Variants in ZNF385D observed in about 807,000 individuals in gnomAD.
ZNF385D encodes zinc finger protein 659.
A neutral mutation model predicts 35.8 loss-of-function variants in ZNF385D; 15 were observed. The observed-to-expected ratio is 0.42, with a 90% CI of 0.28 to 0.64. ZNF385D has a LOEUF of 0.64. Among genes scored for constraint, ZNF385D ranks in the 30% least tolerant of loss-of-function variants. The probability of loss-of-function intolerance (pLI) is 0.23; values close to 1 mark genes in which losing one functional copy is unlikely to be tolerated. For synonymous variants in ZNF385D, 212 were observed against 186.8 expected, an observed-to-expected ratio of 1.13 and a Z score of -1.10; for missense variants, 474 against 494.6, an observed-to-expected ratio of 0.96 and a Z score of 0.39.
Position 21,604,802 on chromosome 3 carries a change from G to A in ZNF385D, c.166-40118C>T, listed in dbSNP as rs2064428290. ...AAACTCTCCAAAGAAATATGCAAGG[G>A]AAGAGAAGAGAAGGAGAGAAATGGG... On this transcript the variant is annotated intron_variant, in intron 2 of 7. Coordinates refer to ENST00000281523, the MANE Select transcript of ZNF385D (RefSeq NM_024697.3). 1.3e-5 allele frequency among the ~76,000 whole-genome samples: 2 copies of A among 152,162 alleles called. 1 individual carries two copies. Among genetic ancestry groups the A allele is most frequent in the South Asian group, 4.1e-4 (2 of 4,828 alleles).
intron 2 of ZNF385D, among the ~76,000 whole-genome samples, chr3:21,652,910 A>AT (rs1261786193): frequency 2.6e-5 from 4 of 151,640 alleles, no homozygotes; most frequent in Non-Finnish European, 5.9e-5. Flanking sequence ...TTTTGTTCAG[A>AT]TTTTTTTTTA....
intron 3 of ZNF385D, among the ~76,000 whole-genome samples, chr3:22,097,787 T>C (rs907020901): frequency 6.6e-6 from 1 of 152,014 alleles, no homozygotes; most frequent in African/African-American, 2.4e-5. Context: ...ATAAAAACTA[T>C]GGGCACTAGG....
intron 3 of ZNF385D, among the ~76,000 whole-genome samples, chr3:21,516,242 C>A (rs1276287085): frequency 6.6e-6 from 1 of 152,192 alleles, no homozygotes; most frequent in Non-Finnish European, 1.5e-5. Context: ...TAATTAAACT[C>A]TTTCTTTACT....
chr3:21,883,988 C>G (rs1559721179), intron 3 of ZNF385D, among the ~76,000 whole-genome samples: 1 of 151,938 alleles, frequency 6.6e-6, no homozygotes, highest in Non-Finnish European at 1.5e-5. Flanking sequence ...TTTGTGATAT[C>G]CTTAGTGTAT....
At chr3:21,762,479 G>A (rs184440127) in intron 3 of ZNF385D, among the ~76,000 whole-genome samples, 6 of 152,254 alleles carry the variant, frequency 3.9e-5, no homozygotes, top group Admixed American at 1.3e-4. Context: ...CTCATCATTA[G>A]TGACTACTTT....
intron 2 of ZNF385D, among the ~76,000 whole-genome samples, chr3:22,330,283 T>G (rs1032413739): frequency 6.6e-6 from 1 of 152,196 alleles, no homozygotes; most frequent in Non-Finnish European, 1.5e-5. Context: ...TTTTAAATCT[T>G]TGTCAGGCTT....
rs114766196 is a variant in ZNF385D at position 22,196,009 on chromosome 3, T to C, written c.107-26974A>G. Among the ~76,000 whole-genome samples, 202 of 151,934 alleles carry C rather than the reference T, an allele frequency of 1.3e-3. 2 individuals are homozygous for C. Among genetic ancestry groups the C allele is most frequent in the African/African-American group, 4.4e-3 (184 of 41,506 alleles). On this transcript the variant is annotated intron_variant, in intron 2 of 5. Transcript: ENST00000494108. The stretch of plus-strand genomic sequence containing the variant: ...GGCACATAGAGGAGAACAATACACA[T>C]TGGGGTCTTTTCGAGGGTGGAGGGT...
At chr3:22,023,893 C>T (rs376936470) in intron 3 of ZNF385D, among the ~76,000 whole-genome samples, 64 of 152,102 alleles carry the variant, frequency 4.2e-4, no homozygotes, top group African/African-American at 1.1e-3. Flanking sequence ...TGTATTAGTT[C>T]GTTTTCATAC....
chr3:21,880,520 C>A (rs1035229297), intron 3 of ZNF385D, among the ~76,000 whole-genome samples: 1 of 151,982 alleles, frequency 6.6e-6, no homozygotes. Flanking sequence ...AATGTTGTGT[C>A]TGACCTTTCT....
At chr3:21,498,582 G>A (rs889261812) in intron 4 of ZNF385D, among the ~76,000 whole-genome samples, 7 of 71,810 alleles carry the variant, frequency 9.7e-5, no homozygotes, top group South Asian at 4.1e-4. Context: ...ACATACACAT[G>A]GCCAAAAACA....
intron 3 of ZNF385D, among the ~76,000 whole-genome samples, chr3:22,126,539 G>A (rs948378365): frequency 5.3e-5 from 8 of 151,934 alleles, no homozygotes; most frequent in African/African-American, 1.4e-4. Context: ...TTGTGGTCGA[G>A]AAGATATTTG....
chr3:22,244,338 G>A (rs1177297748), intron 2 of ZNF385D, among the ~76,000 whole-genome samples: 1 of 83,540 alleles, frequency 1.2e-5, no homozygotes, highest in Non-Finnish European at 2.3e-5. Flanking sequence ...TAGCTTTGAA[G>A]CAAAGTGATA....
intron 3 of ZNF385D, among the ~76,000 whole-genome samples, chr3:22,025,732 T>C (rs567802561): frequency 9.9e-4 from 150 of 152,214 alleles, no homozygotes; most frequent in Middle Eastern, 3.4e-3. Context: ...CTTAGGGAGA[T>C]TGGGATGGTG....
intron 3 of ZNF385D, among the ~76,000 whole-genome samples, chr3:21,806,940 G>C (rs1365448339): frequency 6.6e-6 from 1 of 152,196 alleles, no homozygotes; most frequent in Non-Finnish European, 1.5e-5. Flanking sequence ...TCTCCAAACA[G>C]AAATTTCATT....
chr3:22,185,156 A>G (rs926011979), intron 2 of ZNF385D, among the ~76,000 whole-genome samples: 8 of 152,140 alleles, frequency 5.3e-5, no homozygotes, highest in African/African-American at 1.9e-4. Flanking sequence ...CAGTGATAAA[A>G]ACTGAAAAGG....
chr3:21,595,943 A>G (rs2125746712), intron 2 of ZNF385D, among the ~76,000 whole-genome samples: 1 of 152,352 alleles, frequency 6.6e-6, no homozygotes, highest in East Asian at 1.9e-4. Flanking sequence ...TTCTAAAACA[A>G]AAAAAGCACA....
chr3:22,244,738 A>G (rs1357925540), intron 2 of ZNF385D, among the ~76,000 whole-genome samples: 6 of 151,068 alleles, frequency 4.0e-5, no homozygotes, highest in Admixed American at 4.0e-4. Context: ...CAGGTATTTA[A>G]TGCCTCAGGT....
intron 4 of ZNF385D, among the ~76,000 whole-genome samples, chr3:21,442,161 A>T (rs879914278): frequency 1.8e-4 from 27 of 152,192 alleles, no homozygotes; most frequent in Non-Finnish European, 3.4e-4. Context: ...AAAAATATCA[A>T]CACTTGAATT....
intron 3 of ZNF385D, among the ~76,000 whole-genome samples, chr3:22,071,965 C>T (rs1186680774): frequency 6.6e-6 from 1 of 151,958 alleles, no homozygotes; most frequent in Non-Finnish European, 1.5e-5. Flanking sequence ...TACCAAGAAA[C>T]CTGAAGTAAA....
Sources: allele counts gnomAD v4.1 joint callset (sites outside exome capture counted in the v4.1 genomes callset), GRCh38; gene constraint gnomAD v4.1.1; transcripts MANE v1.5; gene names NCBI Gene and HGNC (gene_info 2026-07-23, HGNC 2026-07-21).